The following DCHS2 variants were observed in gnomAD, a reference collection of about 807,000 sequenced individuals.
The protein encoded by DCHS2 is protocadherin-23.
Under a neutral mutation model 182.4 loss-of-function variants are expected in DCHS2, and 142 were observed. The observed-to-expected ratio is 0.78, with a 90% CI of 0.68 to 0.89. DCHS2 has a LOEUF of 0.89. Ranked by LOEUF, DCHS2 falls within the 40% of genes least tolerant of loss-of-function variation. The pLI is 0.00. For missense variants in DCHS2, 4,319 were observed against 4,198.6 expected, an observed-to-expected ratio of 1.03 and a Z score of -0.79; for synonymous variants, 1,740 against 1,663.3, an observed-to-expected ratio of 1.05 and a Z score of -1.12.
At chr4:154,476,884 A>G (rs1276571074) in intron 1 of DCHS2, among the ~76,000 whole-genome samples, 1 of 152,218 alleles carries the variant, frequency 6.6e-6, no homozygotes, top group African/African-American at 2.4e-5. Flanking sequence ...TGGGAACTTA[A>G]CTAACAGTGG....
chr4:154,277,630 C>CAAAAAAAAAAAAAAAA (rs35543228), intron 13 of DCHS2, among the ~76,000 whole-genome samples: 1 of 102,516 alleles, frequency 9.8e-6, no homozygotes. Context: ...GAAATCACAC[C>CAAAAAAAAAAAAAAAA]AAAAAAAAAA....
At chr4:154,305,393 C>T (rs1257241048) in intron 10 of DCHS2, among the ~76,000 whole-genome samples, 162 bp from the exon 11 acceptor site, 2 of 152,148 alleles carry the variant, frequency 1.3e-5, no homozygotes, top group Non-Finnish European at 1.5e-5. Flanking sequence ...TTTGGCTGTT[C>T]TTGCTAAAAT....
At chr4:154,272,316 T>G (rs1733638376) in intron 13 of DCHS2, 1 of 152,098 alleles carries the variant, frequency 6.6e-6, no homozygotes, top group African/African-American at 2.4e-5. Context: ...TATAAGAAAA[T>G]GCAAAACTAT....
chr4:154,366,979 A>T (rs778363128), intron 2 of DCHS2, among the ~76,000 whole-genome samples: 61 of 152,308 alleles, frequency 4.0e-4, no homozygotes, highest in Middle Eastern at 3.4e-3. Context: ...GGAAGGTACC[A>T]TTGGTGTGCA....
chr4:154,472,514 A>G (rs1735512869), intron 1 of DCHS2, among the ~76,000 whole-genome samples: 1 of 152,182 alleles, frequency 6.6e-6, no homozygotes, highest in Non-Finnish European at 1.5e-5. Context: ...ACATATTAGA[A>G]AGTCCTCATT....
intron 1 of DCHS2, among the ~76,000 whole-genome samples, chr4:154,435,196 T>C (rs577605598): frequency 1.2e-4 from 18 of 152,290 alleles, no homozygotes; most frequent in Admixed American, 5.2e-4. Flanking sequence ...AAAACAATTC[T>C]AAAAAAATTA....
Position 154,490,467 on chromosome 4 carries a change from C to T in DCHS2, c.889G>A (p.Glu297Lys). Residue 297 changes from glutamate to lysine, a missense_variant, in exon 1 of 20, where the codon GAG (glutamate) becomes AAG (lysine). By Grantham distance (56) the Glu-to-Lys change is moderately conservative. Transcript: ENST00000357232. Reference protein sequence around the residue: ...LDENDNPPVFEQDEYRAAVRE... With the variant: ...LDENDNPPVFKQDEYRAAVRE... ...ACCGCGGCGCGGTACTCGTCCTGCT[C>T]AAAGACCGGCGGGTTGTCGTTCTCA... 6.5e-7 allele frequency: 1 copy of T among 1,536,890 alleles called. No individual in the cohort carries two copies. The highest frequency in any genetic ancestry group is 8.7e-7 in the Non-Finnish European group (1 of 1,146,466).
In DCHS2 at chr4:154,236,903, T is replaced by C. The variant is rs1731547195; in HGVS notation, c.7749A>G (p.Thr2583=). 2.5e-6 allele frequency: 4 copies of C among 1,613,994 alleles called. No individual in the cohort carries two copies. Among genetic ancestry groups the C allele is most frequent in the East Asian group, 2.2e-5 (1 of 44,882 alleles). ...CACTGATGATGGAATATTCAACATA[T>C]GTGTTTTCACGGGTCCAGTCATGGT... ...NIDHDWTREN[T]YVEYSIISGN... Residue 2583 remains threonine (T), a synonymous_variant, in exon 20 of 20, where the codon ACA becomes ACG. Transcript: ENST00000357232.
At chr4:154,483,827 C>G (rs1028895342) in intron 1 of DCHS2, among the ~76,000 whole-genome samples, 1 of 152,134 alleles carries the variant, frequency 6.6e-6, no homozygotes, top group African/African-American at 2.4e-5. Context: ...GCAAGACCCT[C>G]GTCTCAGCCA....
At chr4:154,469,205 C>T (rs1735359754) in intron 1 of DCHS2, among the ~76,000 whole-genome samples, 1 of 70,392 alleles carries the variant, frequency 1.4e-5, no homozygotes, top group Admixed American at 2.0e-4. Context: ...TGGGTAGACA[C>T]AGGAGTGCAA....
intron 9 of DCHS2, among the ~76,000 whole-genome samples, chr4:154,318,374 T>C (rs1735936493): frequency 6.6e-6 from 1 of 151,788 alleles, no homozygotes; most frequent in Non-Finnish European, 1.5e-5. Flanking sequence ...AGGGTTTAAT[T>C]GAAAGTGGCA....
intron 10 of DCHS2, among the ~76,000 whole-genome samples, chr4:154,306,125 G>A (rs1208974966): frequency 6.6e-6 from 1 of 152,008 alleles, no homozygotes; most frequent in Non-Finnish European, 1.5e-5. Context: ...ATTATGATCT[G>A]GCAGATATTA....
chr4:154,374,906 G>A (rs1730817199), intron 2 of DCHS2, among the ~76,000 whole-genome samples: 1 of 152,120 alleles, frequency 6.6e-6, no homozygotes, highest in Admixed American at 6.6e-5. Context: ...TGTATAGTAG[G>A]CCACCTTTTC....
In DCHS2 at chr4:154,235,365, G is replaced by A. The variant is rs1198295588; in HGVS notation, c.9287C>T (p.Ser3096Phe). 3 of 1,614,018 alleles carry A rather than the reference G, an allele frequency of 1.9e-6. No individual in the cohort carries two copies. The highest frequency in any genetic ancestry group is 2.5e-6 in the Non-Finnish European group (3 of 1,179,964). The change falls in exon 20 of 20, where the codon TCT becomes TTT. Residue 3096 changes from serine to phenylalanine, a missense_variant. Transcript: ENST00000357232. ...ATCTTCTGCAGTTTCTCCTTCCACA[G>A]AACAGTGGCCACTGGAGTTTGAGTG... is the stretch of plus-strand genomic sequence containing the variant. ...YRHSNSSGHC[S>F]VEGETAEDKE...
rs749473824 is a variant in DCHS2 at position 154,320,578 on chromosome 4, T to C, written c.4821A>G (p.Gln1607=). The change falls in exon 9 of 20, where the codon CAA becomes CAG. Residue 1607 remains glutamine, a synonymous_variant. Coordinates refer to ENST00000357232, the MANE Select transcript of DCHS2 (RefSeq NM_001358235.2). The part of the protein sequence containing the change: ...TDRRLRSLTA[Q]IVILDVNDHN... Reference sequence around the variant, plus strand: ...GGTCATTTACATCCAAAATCACTATTTGTGCTGTCAGTGATCTCAGTCGCC... The same window carrying C: ...GGTCATTTACATCCAAAATCACTATCTGTGCTGTCAGTGATCTCAGTCGCC... 2.5e-6 allele frequency: 4 copies of C among 1,614,114 alleles called. No homozygotes were observed. In the South Asian group the frequency reaches 4.4e-5, roughly 18 times the overall value.
At chr4:154,420,411 T>C (rs932564225) in intron 1 of DCHS2, among the ~76,000 whole-genome samples, 1 of 152,216 alleles carries the variant, frequency 6.6e-6, no homozygotes, top group Non-Finnish European at 1.5e-5. Flanking sequence ...ATCTGCAAGC[T>C]GGAAAACCAA....
chr4:154,490,097 T>G lies in DCHS2; in HGVS notation c.1259A>C (p.Glu420Ala). The G allele has an allele frequency of 6.5e-7, 1 of 1,548,884 alleles. No homozygotes were observed. The highest frequency in any genetic ancestry group is 8.7e-7 in the Non-Finnish European group (1 of 1,146,444). Residue 420 changes from glutamate (E) to alanine (A), a missense_variant, in exon 1 of 20, where the codon GAG becomes GCG. Coordinates refer to ENST00000357232, the MANE Select transcript of DCHS2 (RefSeq NM_001358235.2). The part of the protein sequence containing the change: ...RPAIHVLFLT[E>A]GGVARVSEGA... ...TTCAGAGACACGGGCGACGCCTCCC[T>G]CTGTGAGAAAGAGCACGTGAATTGC...
At chr4:154,394,140 C>T (rs973114284) in intron 1 of DCHS2, among the ~76,000 whole-genome samples, 10 of 152,142 alleles carry the variant, frequency 6.6e-5, no homozygotes, top group Non-Finnish European at 1.2e-4. Flanking sequence ...TCTTCTGCTG[C>T]TTCATAACTG....
chr4:154,269,431 G>A (rs1362015646), intron 14 of DCHS2: 1 of 156,104 alleles, frequency 6.4e-6, no homozygotes. Context: ...AATACATGCT[G>A]TGTTTGGAAG....
Sources: gnomAD v4.1 joint callset for allele counts (sites outside exome capture counted in the v4.1 genomes callset) on GRCh38, gnomAD v4.1.1 for gene constraint, MANE v1.5 for transcripts, NCBI Gene and HGNC (gene_info 2026-07-23, HGNC 2026-07-21) for gene names.